The following NR3C1 variants were observed in gnomAD, a reference collection of about 807,000 sequenced individuals.
The protein encoded by NR3C1 is nuclear receptor subfamily 3 group C member 1, also known as glucocorticoid receptor.
Under a neutral mutation model 74.0 loss-of-function variants are expected in NR3C1, and 14 were observed. That is an observed-to-expected ratio of 0.19 (90% confidence interval 0.12 to 0.30). NR3C1 has a LOEUF of 0.30. NR3C1 is among the 10% of genes least tolerant of loss of function. The pLI is 1.00. For synonymous variants in NR3C1, 308 were observed against 332.5 expected, an observed-to-expected ratio of 0.93 and a Z score of 0.80; for missense variants, 695 against 909.8, an observed-to-expected ratio of 0.76 and a Z score of 3.04.
intron 1 of NR3C1, among the ~76,000 whole-genome samples, chr5:143,425,613 A>G (rs999734157): frequency 6.6e-6 from 1 of 152,226 alleles, no homozygotes; most frequent in African/African-American, 2.4e-5. Flanking sequence ...CAATAAGCAC[A>G]TAAAAGATGC....
intron 1 of NR3C1, among the ~76,000 whole-genome samples, chr5:143,423,490 T>TA (rs1038135416): frequency 1.1e-4 from 17 of 152,206 alleles, no homozygotes; most frequent in African/African-American, 4.1e-4. Flanking sequence ...GGAACCCTCA[T>TA]ACACTGTTGG....
intron 2 of NR3C1, among the ~76,000 whole-genome samples, chr5:143,316,922 T>G (rs1822220496): frequency 6.6e-6 from 1 of 152,152 alleles, no homozygotes; most frequent in Admixed American, 6.6e-5. Context: ...GCCACTCAAC[T>G]GTAAGCTACA....
At chr5:143,357,526 T>C (rs1454653845) in intron 2 of NR3C1, among the ~76,000 whole-genome samples, 5 of 152,232 alleles carry the variant, frequency 3.3e-5, no homozygotes, top group Admixed American at 2.0e-4. Context: ...TGCAGCTGCA[T>C]TGGCAAAAGG....
intron 7 of NR3C1, among the ~76,000 whole-genome samples, chr5:143,287,210 G>GA (rs1814697796): frequency 6.6e-6 from 1 of 151,830 alleles, no homozygotes; most frequent in South Asian, 2.1e-4. Flanking sequence ...AACAAAAAGA[G>GA]AAAATCAATG....
rs193168581 is a variant in NR3C1 at position 143,309,313 on chromosome 5, C to T, written c.1468+784G>A. ...ATCTTGATCTCTTGACCTCGTGATC[C>T]GCCTGCCTTGGTCTCCCAAAGTGCG... On this transcript the variant is annotated intron_variant, in intron 4 of 8. Coordinates refer to ENST00000394464, the MANE Select transcript of NR3C1 (RefSeq NM_000176.3). Among the ~76,000 whole-genome samples the T allele has an allele frequency of 4.6e-5, 7 of 152,198 alleles. No individual in the cohort carries two copies. The East Asian group carries it at 9.6e-4, about 21-fold the overall frequency.
At chr5:143,327,046 T>A (rs1159500696) in intron 2 of NR3C1, among the ~76,000 whole-genome samples, 1 of 152,214 alleles carries the variant, frequency 6.6e-6, no homozygotes, top group African/African-American at 2.4e-5. Flanking sequence ...GTAATCTTCA[T>A]TACTATCCTG....
At chr5:143,358,123 A>G (rs921477425) in intron 2 of NR3C1, among the ~76,000 whole-genome samples, 5 of 152,240 alleles carry the variant, frequency 3.3e-5, no homozygotes, top group African/African-American at 1.2e-4. Flanking sequence ...GGATTTGGGT[A>G]GATTTCTCTT....
At chr5:143,333,084 G>A in intron 2 of NR3C1, 1 of 1,595,186 alleles carries the variant, frequency 6.3e-7, no homozygotes, top group East Asian at 2.2e-5. Context: ...TGCCTTCCCA[G>A]GGAAGCATTT....
At chr5:143,394,307 A>G (rs537454326) in intron 2 of NR3C1, among the ~76,000 whole-genome samples, 7 of 152,076 alleles carry the variant, frequency 4.6e-5, no homozygotes, top group Non-Finnish European at 1.0e-4. Context: ...ACTGAATTTA[A>G]GGAATGTATT....
intron 2 of NR3C1, among the ~76,000 whole-genome samples, chr5:143,356,834 G>T (rs903320284): frequency 1.3e-5 from 2 of 152,166 alleles, no homozygotes; most frequent in Non-Finnish European, 2.9e-5. Flanking sequence ...GAGCCCAAAT[G>T]AGAAAGAATA....
chr5:143,313,544 A>G lies in NR3C1; in HGVS notation c.1351+458T>C, dbSNP rs938553287. ...ACTTAGCACAGTGCCCTGGCTTAAT[A>G]GAAAAAAAAAATGAATAAGAAATGA... On this transcript the variant is annotated intron_variant, in intron 3 of 8. Transcript: ENST00000394464. 2.0e-5 allele frequency among the ~76,000 whole-genome samples: 3 copies of G among 151,990 alleles called. No individual in the cohort carries two copies. In the East Asian group the frequency reaches 5.8e-4, roughly 29 times the overall value.
At chr5:143,338,836 C>T (rs899384697) in intron 2 of NR3C1, among the ~76,000 whole-genome samples, 5 of 152,196 alleles carry the variant, frequency 3.3e-5, no homozygotes, top group African/African-American at 4.8e-5. Flanking sequence ...TAGGCCTTCA[C>T]ATTCACTCAC....
chr5:143,382,026 G>A (rs1035072755), intron 2 of NR3C1, among the ~76,000 whole-genome samples: 2 of 152,046 alleles, frequency 1.3e-5, no homozygotes, highest in African/African-American at 4.8e-5. Context: ...CATCTGAGAA[G>A]GGATTAATAA....
intron 1 of NR3C1, among the ~76,000 whole-genome samples, chr5:143,410,939 T>C (rs1347982196): frequency 1.3e-5 from 2 of 152,236 alleles, no homozygotes; most frequent in African/African-American, 4.8e-5. Context: ...AGAGATTTTG[T>C]AAGTTGGTTG....
intron 4 of NR3C1, among the ~76,000 whole-genome samples, chr5:143,301,083 T>A (rs562548208): frequency 6.6e-6 from 1 of 152,266 alleles, no homozygotes; most frequent in East Asian, 1.9e-4. Context: ...CTTCTATAAA[T>A]TATTTTTTTA....
In NR3C1 at chr5:143,403,499, G is replaced by C; in HGVS notation, c.-302C>G. On this transcript the variant is annotated 5_prime_UTR_variant, in exon 1 of 9. Coordinates refer to ENST00000394464, the MANE Select transcript of NR3C1 (RefSeq NM_000176.3). ...CGGTCCCAGCTGCTTCGGCCGCTCC[G>C]GCTGCGGCGTCTCCTTCCACCCACA... The C allele has an allele frequency of 1.0e-6, 1 of 985,154 alleles. No homozygotes were observed. The highest frequency in any genetic ancestry group is 4.7e-5 in the South Asian group (1 of 21,282). The allele number at this position is 985,154 out of a possible 1,614,324, so 61.0% of individuals were successfully genotyped here.
intron 2 of NR3C1, among the ~76,000 whole-genome samples, chr5:143,352,599 G>A (rs1040372702): frequency 2.6e-5 from 4 of 152,124 alleles, no homozygotes; most frequent in African/African-American, 9.7e-5. Context: ...CCACAATAAA[G>A]TGAATATTGC....
intron 2 of NR3C1, among the ~76,000 whole-genome samples, chr5:143,342,134 A>G (rs1425742954): frequency 6.6e-6 from 1 of 152,214 alleles, no homozygotes; most frequent in Non-Finnish European, 1.5e-5. Flanking sequence ...CACAGAAAAA[A>G]AAAAACCAAG....
chr5:143,285,460 C>A (rs1324442740), intron 7 of NR3C1, among the ~76,000 whole-genome samples: 2 of 152,138 alleles, frequency 1.3e-5, no homozygotes, highest in Non-Finnish European at 2.9e-5. Flanking sequence ...ATTTCTGAAA[C>A]AGTCTACCCA....
Sources: allele counts gnomAD v4.1 joint callset (sites outside exome capture counted in the v4.1 genomes callset), GRCh38; gene constraint gnomAD v4.1.1; transcripts MANE v1.5; gene names NCBI Gene and HGNC (gene_info 2026-07-23, HGNC 2026-07-21).